The following ZNF514 variants were observed in gnomAD, a reference collection of about 807,000 sequenced individuals.
The protein encoded by ZNF514 is zinc finger protein 514.
ZNF514 carries 12 observed loss-of-function variants against 9.7 expected under a neutral mutation model. The ratio of observed to expected loss-of-function variants is 1.24; its 90% CI spans 0.79 to 2.01. The LOEUF (loss-of-function observed/expected upper bound fraction) is 2.01, where lower values mean the gene tolerates loss of function less well. Ranked by LOEUF, ZNF514 falls within the 30% of genes most tolerant of loss-of-function variation. ZNF514 has a pLI of 0.00. For synonymous variants in ZNF514, 158 were observed against 163.7 expected (o/e 0.97, Z 0.27); for missense variants, 467 against 465.5 (o/e 1.00, Z -0.03).
At chr2:95,142,590 G>A (rs545230572), downstream of ZNF514, among the ~76,000 whole-genome samples, 56 of 152,156 alleles carry the variant, frequency 3.7e-4, no homozygotes, top group African/African-American at 1.4e-3. Context: ...TTTTTCCCAG[G>A]ACATCTAGTC....
rs1354612715 is a variant in ZNF514 at position 95,148,598 on chromosome 2, G to T, written c.*684C>A. On this transcript the variant is annotated 3_prime_UTR_variant, in exon 5 of 5. Transcript: ENST00000295208. ...TGTACAAATTCTCTAACGTGTTTTG[G>T]TGGAACATCCACCAAAGCCCTTCCC... 1.3e-5 allele frequency: 2 copies of T among 152,172 alleles called. No individual in the cohort carries two copies. Among genetic ancestry groups the T allele is most frequent in the Non-Finnish European group, 2.9e-5 (2 of 68,046 alleles). 9.4% of individuals were successfully genotyped at this position (152,172 alleles called of 1,614,324 possible).
At chr2:95,151,498 G>A (rs1207207517) in intron 4 of ZNF514, among the ~76,000 whole-genome samples, 3 of 152,214 alleles carry the variant, frequency 2.0e-5, no homozygotes, top group Non-Finnish European at 4.4e-5. Context: ...CAGCCCTGTG[G>A]ACATCTTGGT....
chr2:95,139,120 C>T, the ZNF514 span, among the ~76,000 whole-genome samples: 1 of 152,234 alleles, frequency 6.6e-6, no homozygotes, highest in South Asian at 2.1e-4. Flanking sequence ...GCTTGTCAGC[C>T]TCCATCTAGA....
Position 95,159,670 on chromosome 2 carries a change from ACCCCGCGCCAGC to A in ZNF514, c.-538_-527del, listed in dbSNP as rs1673802255. 4.6e-5 allele frequency: 2 copies of A among 43,586 alleles called. No homozygotes were observed. Among genetic ancestry groups the A allele is most frequent in the African/African-American group, 1.6e-4 (2 of 12,772 alleles). 2.7% of individuals were successfully genotyped at this position (43,586 alleles called of 1,614,324 possible). A position where few individuals can be genotyped will look rare whatever the true frequency, so the allele number is the denominator to read the frequency against. ...CACCCCGCGCCAGCCCCCGCCCGCC[ACCCCGCGCCAGC>A]CCCCGCGTCCGCCCCGCGCCAGCCC... On this transcript the variant is annotated 5_prime_UTR_variant, in exon 1 of 5. Transcript: ENST00000295208.
chr2:95,130,237 T>G, the ZNF514 span, among the ~76,000 whole-genome samples: 3 of 152,164 alleles, frequency 2.0e-5, no homozygotes, highest in African/African-American at 7.2e-5. Context: ...TGCGAATAGG[T>G]GTGGGTGACA....
chr2:95,125,481 A>T, the ZNF514 span, among the ~76,000 whole-genome samples: 3 of 150,570 alleles, frequency 2.0e-5, no homozygotes, highest in Non-Finnish European at 4.4e-5. Flanking sequence ...CTTGTGATTC[A>T]CCCACCTTGG....
chr2:95,151,183 A>G (rs1198735448), intron 4 of ZNF514, among the ~76,000 whole-genome samples: 4 of 152,226 alleles, frequency 2.6e-5, no homozygotes. Flanking sequence ...TGTGATTAAG[A>G]GCACAGACCT....
rs1673423544 is a variant in ZNF514, at chr2:95,148,408, C to A, written c.*874G>T. On this transcript the variant is annotated 3_prime_UTR_variant, in exon 5 of 5. Transcript: ENST00000295208. ...ACCAGACAAGGTGATTTCTCAGCTT[C>A]TTTTCAGCTCTAGTTTTATACATCT... is the stretch of plus-strand genomic sequence containing the variant. The A allele has an allele frequency of 6.6e-6, 1 of 152,236 alleles. No homozygotes were observed. The allele number at this position is 152,236 out of a possible 1,614,324, so 9.4% of individuals were successfully genotyped here. A position where few individuals can be genotyped will look rare whatever the true frequency, so the allele number is the denominator to read the frequency against.
chr2:95,157,900 C>G (rs1187313644), intron 1 of ZNF514, among the ~76,000 whole-genome samples: 1 of 152,300 alleles, frequency 6.6e-6, no homozygotes, highest in East Asian at 1.9e-4. Flanking sequence ...CCTTGGGAAC[C>G]CAGCTCAGAG....
chr2:95,149,999 T>G lies in ZNF514; in HGVS notation c.486A>C (p.Leu162Phe), dbSNP rs772925185. ...KWNGFGRSLG[L>F]RSVLVNQHSI... ...TGTGTTGGTTAACAAGGACTGATCT[T>G]AAACCTAAGCTTCTCCCAAATCCAT... The change falls in exon 5 of 5, where the codon TTA (leucine) becomes TTC (phenylalanine). Residue 162 changes from leucine (L) to phenylalanine (F), a missense_variant. Leu to Phe is a conservative substitution (Grantham distance 22). Transcript: ENST00000295208. 3.1e-6 allele frequency: 5 copies of G among 1,614,120 alleles called. No individual in the cohort carries two copies. The highest frequency in any genetic ancestry group is 2.2e-5 in the East Asian group (1 of 44,906).
chr2:95,159,142 T>G (rs1573384545), intron 1 of ZNF514, 98 bp downstream of exon 1: 7 of 719,832 alleles, frequency 9.7e-6, no homozygotes, highest in Non-Finnish European at 1.3e-5. Context: ...CCAGCGGACC[T>G]GCAGGGCCCA....
At chr2:95,138,242 A>T in the ZNF514 span, among the ~76,000 whole-genome samples, 1 of 152,256 alleles carries the variant, frequency 6.6e-6, no homozygotes, top group Non-Finnish European at 1.5e-5. Flanking sequence ...CTGAAAATGC[A>T]GAAGCAGCTT....
the ZNF514 span, among the ~76,000 whole-genome samples, chr2:95,130,728 T>C: frequency 6.6e-6 from 1 of 152,376 alleles, no homozygotes; most frequent in African/African-American, 2.4e-5. Flanking sequence ...CAATTGCTGT[T>C]ATCCTGTTCT....
At position 95,149,278 on chromosome 2, in the gene ZNF514, G is replaced by A. The variant is rs373359203; in HGVS notation, c.*4C>T. The A allele has an allele frequency of 1.9e-6, 3 of 1,560,414 alleles. No individual in the cohort carries two copies. Among genetic ancestry groups the A allele is most frequent in the African/African-American group, 1.4e-5 (1 of 72,950 alleles). On this transcript the variant is annotated 3_prime_UTR_variant, in exon 5 of 5. Coordinates refer to ENST00000295208, the MANE Select transcript of ZNF514 (RefSeq NM_032788.3). ...AGCTGAAAGCCCTTCTATATTCACT[G>A]AATTTATAGGGTTTTTTTTCCAGCA...
the ZNF514 span, among the ~76,000 whole-genome samples, chr2:95,139,501 G>A: frequency 6.6e-6 from 1 of 152,230 alleles, no homozygotes; most frequent in Non-Finnish European, 1.5e-5. Context: ...AGAGTTGCAT[G>A]GGGACTGTAG....
rs1241676381 is a variant in ZNF514, at chr2:95,149,730, C to A, written c.755G>T (p.Arg252Ile). The change falls in exon 5 of 5, where the codon AGA becomes ATA. Residue 252 changes from arginine to isoleucine, a missense_variant. Arg to Ile is a moderately conservative substitution (Grantham distance 97). Coordinates refer to ENST00000295208, the MANE Select transcript of ZNF514 (RefSeq NM_032788.3). ...GHISSLIKHQ[R>I]THTGEKPYEC... ...ATAGGGCTTTTCTCCAGTATGAGTT[C>A]TTTGATGTTTAATAAGGGATGAAAT... 3 of 1,614,228 alleles carry A rather than the reference C, an allele frequency of 1.9e-6. No individual in the cohort carries two copies. Among genetic ancestry groups the A allele is most frequent in the South Asian group, 2.2e-5 (2 of 91,092 alleles).
chr2:95,124,823 T>C, the ZNF514 span, among the ~76,000 whole-genome samples: 1 of 151,388 alleles, frequency 6.6e-6, no homozygotes, highest in Non-Finnish European at 1.5e-5. Flanking sequence ...TATTAACTAT[T>C]TCAAACAAAG....
At chr2:95,152,450 C>T (rs1367048751) in intron 4 of ZNF514, among the ~76,000 whole-genome samples, 1 of 152,144 alleles carries the variant, frequency 6.6e-6, no homozygotes, top group Admixed American at 6.6e-5. Flanking sequence ...ACCCAGAAGG[C>T]ATGGGCAGAG....
At chr2:95,141,307 A>G (rs1461683064), downstream of ZNF514, among the ~76,000 whole-genome samples, 1 of 152,228 alleles carries the variant, frequency 6.6e-6, no homozygotes, top group Non-Finnish European at 1.5e-5. Context: ...TCTTCTGGAA[A>G]GCTTGGAAGA....
Sources: allele counts gnomAD v4.1 joint callset (sites outside exome capture counted in the v4.1 genomes callset), GRCh38; gene constraint gnomAD v4.1.1; transcripts MANE v1.5; gene names NCBI Gene and HGNC (gene_info 2026-07-23, HGNC 2026-07-21).